Variants in RGS6 observed in about 807,000 individuals in gnomAD.
RGS6 encodes regulator of G protein signaling 6, also known as regulator of G-protein signaling 6.
In RGS6, 30 loss-of-function variants were observed where a neutral mutation model predicts 78.5. The observed-to-expected ratio is 0.38, with a 90% CI of 0.29 to 0.52. RGS6 has a LOEUF of 0.52. Among genes scored for constraint, RGS6 ranks in the 20% least tolerant of loss-of-function variants. The pLI, the probability that RGS6 is intolerant of heterozygous loss-of-function variation, is 0.85. For synonymous variants in RGS6, 206 were observed against 206.0 expected, an observed-to-expected ratio of 1.00 and a Z score of 0.00; for missense variants, 495 against 609.7, an observed-to-expected ratio of 0.81 and a Z score of 1.98.
At chr14:72,420,388 T>G (rs746249392) in intron 3 of RGS6, among the ~76,000 whole-genome samples, 1 of 152,210 alleles carries the variant, frequency 6.6e-6, no homozygotes, top group Non-Finnish European at 1.5e-5. Context: ...GCAGATACTT[T>G]GAGGAATCTA....
intron 2 of RGS6, among the ~76,000 whole-genome samples, chr14:72,219,181 A>G (rs1340877584): frequency 6.6e-6 from 1 of 152,124 alleles, no homozygotes; most frequent in Non-Finnish European, 1.5e-5. Context: ...GGAGAATGTC[A>G]TCTTGTTCTG....
intron 2 of RGS6, among the ~76,000 whole-genome samples, chr14:72,150,268 G>T (rs1477923598): frequency 6.6e-6 from 1 of 152,152 alleles, no homozygotes; most frequent in Non-Finnish European, 1.5e-5. Flanking sequence ...ACCAAGGAAT[G>T]CCAGGAGCAC....
intron 3 of RGS6, among the ~76,000 whole-genome samples, chr14:72,397,479 A>G (rs1349979507): frequency 7.3e-4 from 111 of 152,008 alleles, no homozygotes; most frequent in Admixed American, 2.1e-3. Flanking sequence ...TAGATATACA[A>G]TCATGTCATC....
intron 2 of RGS6, among the ~76,000 whole-genome samples, chr14:72,157,092 T>G (rs2096783564): frequency 6.6e-6 from 1 of 152,230 alleles, no homozygotes; most frequent in Non-Finnish European, 1.5e-5. Context: ...AAACCCAGGT[T>G]GATCATACCC....
At chr14:72,275,902 T>C (rs946484751) in intron 2 of RGS6, among the ~76,000 whole-genome samples, 1 of 152,176 alleles carries the variant, frequency 6.6e-6, no homozygotes, top group Admixed American at 6.5e-5. Context: ...CTGGCATCTT[T>C]CCATTAGGAA....
intron 13 of RGS6, among the ~76,000 whole-genome samples, chr14:72,506,984 T>TAAAAAA (rs71109738): frequency 0.014 from 748 of 54,362 alleles, 129 homozygotes; most frequent in East Asian, 0.089. Context: ...CTGTCTCTAC[T>TAAAAAA]AAAAAAAAAA....
intron 2 of RGS6, among the ~76,000 whole-genome samples, chr14:72,029,390 G>A (rs2090464885): frequency 6.6e-6 from 1 of 152,200 alleles, no homozygotes; most frequent in Non-Finnish European, 1.5e-5. Context: ...TGTCCTCTGA[G>A]TGTGATTCAG....
chr14:72,181,611 G>C (rs1247869218), intron 2 of RGS6, among the ~76,000 whole-genome samples: 1 of 152,192 alleles, frequency 6.6e-6, no homozygotes, highest in African/African-American at 2.4e-5. Flanking sequence ...GCTATATACT[G>C]ATTTGCACTG....
intron 2 of RGS6, among the ~76,000 whole-genome samples, chr14:72,168,292 G>A (rs556527334): frequency 1.3e-5 from 2 of 152,192 alleles, no homozygotes; most frequent in Admixed American, 6.5e-5. Flanking sequence ...TCCCCCACAG[G>A]CCTCGGAATG....
intron 1 of RGS6, among the ~76,000 whole-genome samples, chr14:71,936,053 T>TCATATATA (rs145612771): frequency 3.4e-5 from 3 of 87,146 alleles, no homozygotes; most frequent in Admixed American, 2.5e-4. Context: ...TACATATATA[T>TCATATATA]CATATATACA....
intron 6 of RGS6, among the ~76,000 whole-genome samples, chr14:72,465,022 C>G (rs1478792662): frequency 3.9e-5 from 6 of 152,164 alleles, no homozygotes; most frequent in Non-Finnish European, 7.4e-5. Flanking sequence ...GAAACACCAA[C>G]TTGGGTCTTC....
chr14:72,475,643 C>T (rs1041875638), intron 10 of RGS6, among the ~76,000 whole-genome samples: 5 of 151,968 alleles, frequency 3.3e-5, no homozygotes, highest in South Asian at 4.2e-4. Flanking sequence ...GCAGGAGAAT[C>T]GCTTGAACCC....
chr14:72,306,799 T>C (rs765164933), intron 2 of RGS6, among the ~76,000 whole-genome samples: 18 of 152,240 alleles, frequency 1.2e-4, no homozygotes, highest in Non-Finnish European at 2.1e-4. Flanking sequence ...TGAGATGGAA[T>C]ATGCTCCTGG....
intron 4 of RGS6, among the ~76,000 whole-genome samples, chr14:72,456,457 T>A (rs935825729): frequency 6.6e-6 from 1 of 152,194 alleles, no homozygotes; most frequent in South Asian, 2.1e-4. Flanking sequence ...ATCCAGCTAA[T>A]TTTTTGTTTT....
rs552921345 is a variant in RGS6 at position 71,994,180 on chromosome 14, C to T, written c.84+29305C>T. On this transcript the variant is annotated intron_variant, in intron 2 of 17. Transcript: ENST00000553525. Reference sequence around the variant, plus strand: ...TTCCTTTCCTTTGTTTAGCCTGTTCCGTCTACTTGGGGTGTCTTTGATTTC... The same window carrying T: ...TTCCTTTCCTTTGTTTAGCCTGTTCTGTCTACTTGGGGTGTCTTTGATTTC... Among the ~76,000 whole-genome samples the T allele has an allele frequency of 1.2e-4, 18 of 152,154 alleles. No homozygotes were observed. In the South Asian group the frequency reaches 2.5e-3, roughly 21 times the overall value.
the RGS6 span, among the ~76,000 whole-genome samples, chr14:72,621,670 AG>A: frequency 1.3e-5 from 2 of 152,228 alleles, no homozygotes; most frequent in African/African-American, 4.8e-5. Context: ...TTCATTCAAG[AG>A]GCCCGGGGAC....
At chr14:72,507,475 G>C (rs2096822615) in intron 13 of RGS6, among the ~76,000 whole-genome samples, 1 of 152,150 alleles carries the variant, frequency 6.6e-6, no homozygotes, top group Admixed American at 6.5e-5. Context: ...AATACACCAG[G>C]GTATCCTGTC....
At chr14:71,882,680 A>T in the RGS6 span, among the ~76,000 whole-genome samples, 1 of 152,212 alleles carries the variant, frequency 6.6e-6, no homozygotes, top group African/African-American at 2.4e-5. Context: ...AATGAAAATG[A>T]TTTCTGCCCA....
intron 6 of RGS6, chr14:72,464,733 G>A (rs2095859198): frequency 6.6e-6 from 1 of 152,248 alleles, no homozygotes; most frequent in Non-Finnish European, 1.5e-5. Context: ...GAGAAGAAGT[G>A]ATGATGAAGG....
Sources: allele counts gnomAD v4.1 joint callset (sites outside exome capture counted in the v4.1 genomes callset), GRCh38; gene constraint gnomAD v4.1.1; transcripts MANE v1.5; gene names NCBI Gene and HGNC (gene_info 2026-07-23, HGNC 2026-07-21).